The following CNGA1 variants were observed in gnomAD, a reference collection of about 807,000 sequenced individuals.
CNGA1 encodes cyclic nucleotide-gated channel alpha-1.
A neutral mutation model predicts 69.7 loss-of-function variants in CNGA1; 53 were observed. That is an observed-to-expected ratio of 0.76 (90% CI 0.61 to 0.96). The LOEUF is 0.96. Ranked by LOEUF, CNGA1 falls within the 40% of genes least tolerant of loss-of-function variation. CNGA1 has a pLI of 0.00. For missense variants in CNGA1, 739 were observed against 811.2 expected, an observed-to-expected ratio of 0.91 and a Z score of 1.08; for synonymous variants, 249 against 283.5, an observed-to-expected ratio of 0.88 and a Z score of 1.22.
At position 47,959,566 on chromosome 4, in the gene CNGA1, AG is replaced by A. The variant is rs556001304; in HGVS notation, c.-14-6864del. Among the ~76,000 whole-genome samples, 176 of 152,348 alleles carry A rather than the reference AG, an allele frequency of 1.2e-3. 1 individual carries two copies. The highest frequency in any genetic ancestry group is 3.9e-3 in the African/African-American group (164 of 41,594). On this transcript the variant is annotated intron_variant, in intron 3 of 10. Coordinates refer to ENST00000514170, the MANE Select transcript of CNGA1 (RefSeq NM_001379270.1). The stretch of plus-strand genomic sequence containing the variant: ...GAAAATAGTCTCATAACTTTGGGGT[AG>A]GCAAAGTTTCTTAGAAAGGGCACAA...
chr4:47,996,946 G>A (rs1266346649), intron 2 of CNGA1, among the ~76,000 whole-genome samples: 1 of 152,080 alleles, frequency 6.6e-6, no homozygotes, highest in Admixed American at 6.6e-5. Context: ...TAGTCCCCCA[G>A]CTACTCAGGA....
intron 1 of CNGA1, among the ~76,000 whole-genome samples, chr4:48,015,084 A>C (rs1177688329): frequency 6.6e-6 from 1 of 152,060 alleles, no homozygotes; most frequent in Non-Finnish European, 1.5e-5. Context: ...AGGCTGAGGC[A>C]GGAGAATGGC....
At chr4:48,010,068 G>C (rs1376003801) in intron 2 of CNGA1, among the ~76,000 whole-genome samples, 3 of 152,028 alleles carry the variant, frequency 2.0e-5, no homozygotes, top group Non-Finnish European at 4.4e-5. Flanking sequence ...ACACTAGGCA[G>C]TTGTCAGCTA....
intron 2 of CNGA1, among the ~76,000 whole-genome samples, chr4:48,005,102 T>C (rs1441223888): frequency 2.4e-5 from 3 of 123,592 alleles, no homozygotes; most frequent in Non-Finnish European, 5.3e-5. Flanking sequence ...GATTTGCTTT[T>C]TTATTATTTA....
chr4:47,946,790 C>A (rs2110149205), intron 6 of CNGA1, among the ~76,000 whole-genome samples: 1 of 151,808 alleles, frequency 6.6e-6, no homozygotes, highest in South Asian at 2.1e-4. Flanking sequence ...TTCTTTCTTT[C>A]TTTCTTTCTT....
chr4:47,985,760 A>C (rs1300183922), intron 2 of CNGA1, among the ~76,000 whole-genome samples: 24 of 148,710 alleles, frequency 1.6e-4, no homozygotes, highest in African/African-American at 4.9e-4. Context: ...ATCTTCCCCC[A>C]CCCCCCCAAA....
Position 47,976,096 on chromosome 4 carries a change from G to T in CNGA1, c.-15+5297C>A, listed in dbSNP as rs970903730. ...ATTGTGATGGCACCATCCATTGCAT[G>T]CATTTCCTATATCTTAAATCACTCC... On this transcript the variant is annotated intron_variant, in intron 3 of 10. Transcript: ENST00000514170. Among the ~76,000 whole-genome samples, 8 of 147,978 alleles carry T rather than the reference G, an allele frequency of 5.4e-5. No homozygotes were observed. In the Admixed American group the frequency reaches 5.4e-4, roughly 10 times the overall value.
At chr4:47,993,713 C>T (rs1742371128) in intron 2 of CNGA1, among the ~76,000 whole-genome samples, 1 of 151,766 alleles carries the variant, frequency 6.6e-6, no homozygotes, top group African/African-American at 2.4e-5. Context: ...TATTTCCTTA[C>T]TTCTGCTGGT....
chr4:48,011,288 T>C (rs1419277811), intron 1 of CNGA1, among the ~76,000 whole-genome samples: 2 of 138,536 alleles, frequency 1.4e-5, no homozygotes, highest in Non-Finnish European at 3.1e-5. Context: ...CAGAATTCAG[T>C]CAACTAAGAA....
intron 3 of CNGA1, among the ~76,000 whole-genome samples, chr4:47,968,384 G>A (rs1238406124): frequency 6.6e-6 from 1 of 152,032 alleles, no homozygotes; most frequent in Non-Finnish European, 1.5e-5. Context: ...AGATGGAGTT[G>A]TACAAAGATA....
At chr4:47,938,964 GAAAGAAAGAAAGA>G (rs1174478750) in intron 10 of CNGA1, among the ~76,000 whole-genome samples, 13 of 142,424 alleles carry the variant, frequency 9.1e-5, no homozygotes, top group South Asian at 2.2e-4. Context: ...GGGAGGGAAA[GAAAGAAAGAAAGA>G]AAAGAAAGAA....
chr4:47,939,245 C>T (rs983939086), intron 10 of CNGA1, among the ~76,000 whole-genome samples: 3 of 152,098 alleles, frequency 2.0e-5, no homozygotes, highest in Admixed American at 2.0e-4. Context: ...ATCATGCCTC[C>T]ATGATAAAAC....
intron 3 of CNGA1, among the ~76,000 whole-genome samples, chr4:47,956,647 T>G (rs1021398118): frequency 2.0e-5 from 3 of 151,770 alleles, no homozygotes; most frequent in African/African-American, 4.8e-5. Flanking sequence ...TTTAGATACA[T>G]GAAGTGCTGT....
chr4:47,942,299 A>T, intron 8 of CNGA1, 151 bp from the exon 9 acceptor site: 1 of 667,192 alleles, frequency 1.5e-6, no homozygotes, highest in East Asian at 2.8e-5. Flanking sequence ...TTAGCATGGC[A>T]TAAGAGCACT....
At chr4:47,939,045 AGAAG>A (rs1738901606) in intron 10 of CNGA1, among the ~76,000 whole-genome samples, 1 of 152,044 alleles carries the variant, frequency 6.6e-6, no homozygotes, top group South Asian at 2.1e-4. Context: ...AAAGAAAGAA[AGAAG>A]GAAAGAAAGA....
At chr4:47,987,791 C>T (rs1742051814) in intron 2 of CNGA1, among the ~76,000 whole-genome samples, 2 of 152,104 alleles carry the variant, frequency 1.3e-5, no homozygotes, top group African/African-American at 4.8e-5. Context: ...CAGGAAAGGC[C>T]TCATTTAGCA....
chr4:48,008,987 T>C (rs991414649), intron 2 of CNGA1, among the ~76,000 whole-genome samples: 2 of 116,620 alleles, frequency 1.7e-5, no homozygotes, highest in East Asian at 2.1e-4. Flanking sequence ...TTAAAGATTA[T>C]GAAAGCAATC....
chr4:47,994,710 T>A (rs189836201), intron 2 of CNGA1, among the ~76,000 whole-genome samples: 2 of 152,286 alleles, frequency 1.3e-5, no homozygotes, highest in East Asian at 3.9e-4. Context: ...CCATTCATTG[T>A]ACTACTTGTT....
At chr4:47,956,078 C>T (rs1289126806) in intron 3 of CNGA1, among the ~76,000 whole-genome samples, 3 of 152,204 alleles carry the variant, frequency 2.0e-5, no homozygotes, top group African/African-American at 7.2e-5. Flanking sequence ...AGCTAAAAAT[C>T]TACATTACTG....
Sources: allele counts gnomAD v4.1 joint callset (sites outside exome capture counted in the v4.1 genomes callset), GRCh38; gene constraint gnomAD v4.1.1; transcripts MANE v1.5; gene names NCBI Gene and HGNC (gene_info 2026-07-23, HGNC 2026-07-21).